Variants in KCND3 observed in about 807,000 individuals in gnomAD.
KCND3 encodes A-type voltage-gated potassium channel KCND3.
KCND3 carries 9 observed loss-of-function variants against 51.1 expected under a neutral mutation model. The ratio of observed to expected loss-of-function variants is 0.18; its 90% confidence interval spans 0.11 to 0.31. The LOEUF (loss-of-function observed/expected upper bound fraction) is 0.31. Ranked by LOEUF, KCND3 falls within the 10% of genes least tolerant of loss-of-function variation. KCND3 has a pLI of 1.00. For synonymous variants in KCND3, 349 were observed against 368.0 expected (o/e 0.95, Z 0.59); for missense variants, 526 against 903.8 (o/e 0.58, Z 5.36).
chr1:111,840,493 CTT>C (rs11304608), intron 2 of KCND3, among the ~76,000 whole-genome samples: 4 of 148,118 alleles, frequency 2.7e-5, no homozygotes. Context: ...ATAGGTGTGT[CTT>C]TTTTTTTTTA....
chr1:111,850,427 C>T (rs900396658), intron 2 of KCND3, among the ~76,000 whole-genome samples: 5 of 152,174 alleles, frequency 3.3e-5, no homozygotes, highest in African/African-American at 1.2e-4. Context: ...GGACCCCTCA[C>T]AGCTGACCCA....
chr1:111,819,844 G>A (rs1485576740), intron 2 of KCND3, among the ~76,000 whole-genome samples: 2 of 152,148 alleles, frequency 1.3e-5, no homozygotes, highest in African/African-American at 2.4e-5. Flanking sequence ...CAAGGTGACC[G>A]GCCAAGCCAT....
chr1:111,852,658 G>A (rs1215561351), intron 2 of KCND3, among the ~76,000 whole-genome samples: 1 of 152,136 alleles, frequency 6.6e-6, no homozygotes, highest in African/African-American at 2.4e-5. Flanking sequence ...ACCAACAGGC[G>A]GAGAGCATTC....
intron 2 of KCND3, among the ~76,000 whole-genome samples, chr1:111,963,239 T>C (rs1673768989): frequency 6.6e-6 from 1 of 152,208 alleles, no homozygotes. Context: ...AGGGGTAGAT[T>C]GTTATACAGT....
At chr1:111,915,756 AAAAAAAAAAC>A (rs1403523072) in intron 2 of KCND3, among the ~76,000 whole-genome samples, 2 of 151,308 alleles carry the variant, frequency 1.3e-5, no homozygotes, top group African/African-American at 2.4e-5. Flanking sequence ...CTGTCTCAAA[AAAAAAAAAAC>A]AAAAAAAAAA....
At chr1:111,941,406 G>A (rs1395911004) in intron 2 of KCND3, among the ~76,000 whole-genome samples, 6 of 152,108 alleles carry the variant, frequency 3.9e-5, no homozygotes, top group African/African-American at 1.4e-4. Context: ...TAATCTGGGA[G>A]AGCCCAAACC....
intron 3 of KCND3, among the ~76,000 whole-genome samples, chr1:111,783,714 A>G (rs991605670): frequency 7.2e-5 from 11 of 152,218 alleles, no homozygotes; most frequent in African/African-American, 2.7e-4. Flanking sequence ...AAACCTCTAC[A>G]TGATTGTGCA....
At chr1:111,844,163 T>G (rs1486569111) in intron 2 of KCND3, among the ~76,000 whole-genome samples, 2 of 152,076 alleles carry the variant, frequency 1.3e-5, no homozygotes, top group Admixed American at 6.5e-5. Context: ...TAAAACGACC[T>G]GTGACACGTG....
intron 2 of KCND3, among the ~76,000 whole-genome samples, chr1:111,905,040 CG>C (rs1427317974): frequency 1.3e-5 from 2 of 152,210 alleles, no homozygotes; most frequent in African/African-American, 4.8e-5. Context: ...AGCTCTTCCC[CG>C]TACCTCCCCA....
chr1:111,898,378 C>T (rs1335366367), intron 2 of KCND3, among the ~76,000 whole-genome samples: 2 of 152,118 alleles, frequency 1.3e-5, no homozygotes, highest in Non-Finnish European at 2.9e-5. Context: ...AGCACCTGTA[C>T]CTCCACATGC....
In KCND3 at chr1:111,775,540, A is replaced by G. The variant is rs533566799; in HGVS notation, c.*537T>C. 3 of 168,694 alleles carry G rather than the reference A, an allele frequency of 1.8e-5. No homozygotes were observed. Among genetic ancestry groups the G allele is most frequent in the African/African-American group, 7.2e-5 (3 of 41,828 alleles). The allele number at this position is 168,694 out of a possible 1,614,324, so 10.4% of individuals were successfully genotyped here. The stretch of plus-strand genomic sequence containing the variant: ...GTTTTGGTTCAAAGGTGTTGGGTCC[A>G]TGGAGAAAAACATTTCACAAAAATC... On this transcript the variant is annotated 3_prime_UTR_variant, in exon 8 of 8. Transcript: ENST00000302127.
intron 2 of KCND3, among the ~76,000 whole-genome samples, chr1:111,914,351 C>T (rs1250958762): frequency 6.7e-6 from 1 of 150,334 alleles, no homozygotes; most frequent in Non-Finnish European, 1.5e-5. Context: ...CTGGGGTCCC[C>T]AAAAAGAAGA....
chr1:111,854,463 A>G (rs966028416), intron 2 of KCND3, among the ~76,000 whole-genome samples: 2 of 152,064 alleles, frequency 1.3e-5, no homozygotes, highest in Non-Finnish European at 2.9e-5. Flanking sequence ...CTTAGCCTAG[A>G]TAGGGACTTT....
chr1:111,890,915 T>C (rs1476644674), intron 2 of KCND3, among the ~76,000 whole-genome samples: 1 of 152,074 alleles, frequency 6.6e-6, no homozygotes, highest in African/African-American at 2.4e-5. Context: ...TTTAGCAACA[T>C]GGAGGTCACA....
intron 2 of KCND3, among the ~76,000 whole-genome samples, chr1:111,826,303 C>T (rs12082957): frequency 0.036 from 5,438 of 152,210 alleles, 105 homozygotes; most frequent in African/African-American, 0.044. Flanking sequence ...ACATTGATTT[C>T]TTTAGATGTC....
chr1:111,815,014 G>A (rs1042164065), intron 2 of KCND3, among the ~76,000 whole-genome samples: 1 of 152,354 alleles, frequency 6.6e-6, no homozygotes, highest in East Asian at 1.9e-4. Flanking sequence ...AAAGCAATGG[G>A]CCCTTGCTCT....
chr1:111,954,711 C>G (rs1673236219), intron 2 of KCND3, among the ~76,000 whole-genome samples: 1 of 152,208 alleles, frequency 6.6e-6, no homozygotes, highest in Non-Finnish European at 1.5e-5. Flanking sequence ...CCTCTTTAAC[C>G]TCCAATGTCC....
chr1:111,917,528 T>C (rs960869411), intron 2 of KCND3, among the ~76,000 whole-genome samples: 1 of 152,104 alleles, frequency 6.6e-6, no homozygotes, highest in African/African-American at 2.4e-5. Flanking sequence ...GAGGTGGTTG[T>C]GAGAAAAATG....
At chr1:111,958,517 G>C (rs1673457887) in intron 2 of KCND3, among the ~76,000 whole-genome samples, 1 of 152,248 alleles carries the variant, frequency 6.6e-6, no homozygotes. Flanking sequence ...CTAGGGAGCA[G>C]GAAGCGGCTA....
Sources: allele counts gnomAD v4.1 joint callset (sites outside exome capture counted in the v4.1 genomes callset), GRCh38; gene constraint gnomAD v4.1.1; transcripts MANE v1.5; gene names NCBI Gene and HGNC (gene_info 2026-07-23, HGNC 2026-07-21).